MRPS28: variants seen among roughly 807,000 people sequenced by gnomAD.
MRPS28 encodes mitochondrial ribosomal protein S28.
In MRPS28, 7 loss-of-function variants were observed where a neutral mutation model predicts 10.8. The ratio of observed to expected loss-of-function variants is 0.65; its 90% CI spans 0.37 to 1.22. The LOEUF is 1.22. Among genes scored for constraint, MRPS28 ranks in the 50% most tolerant of loss-of-function variants. MRPS28 has a pLI of 0.02. For missense variants in MRPS28, 265 were observed against 232.9 expected (o/e 1.14, Z -0.90); for synonymous variants, 121 against 93.3 (o/e 1.30, Z -1.71).
At chr8:79,953,610 T>C (rs954194161) in intron 2 of MRPS28, among the ~76,000 whole-genome samples, 3 of 152,198 alleles carry the variant, frequency 2.0e-5, no homozygotes, top group Non-Finnish European at 4.4e-5. Flanking sequence ...ACAATAAAAC[T>C]TCTAAAATAT....
At chr8:79,980,596 A>G (rs1807928488) in intron 2 of MRPS28, among the ~76,000 whole-genome samples, 1 of 152,220 alleles carries the variant, frequency 6.6e-6, no homozygotes, top group South Asian at 2.1e-4. Context: ...ACTGGAGGTT[A>G]ACTTCATCCC....
At chr8:79,992,916 C>G (rs1392207945) in intron 2 of MRPS28, among the ~76,000 whole-genome samples, 2 of 152,090 alleles carry the variant, frequency 1.3e-5, no homozygotes, top group Non-Finnish European at 2.9e-5. Context: ...GCATGCAAAC[C>G]TCTTAACAAA....
rs1809613596 is a variant in MRPS28 at position 80,030,039 on chromosome 8, C to T, written c.210G>A (p.Gln70=). The change falls in exon 1 of 3, where the codon CAG becomes CAA. Residue 70 remains glutamine, a synonymous_variant. Transcript: ENST00000276585. ...SELLQKVEPL[Q]KGSPKNVESF... ...CTCTCACCCGCCCGGGCTCCACCTT[C>T]TGTAGGGGCTCCACCTTCTGTAGAA... The T allele has an allele frequency of 2.5e-6, 4 of 1,613,142 alleles. No individual in the cohort carries two copies. The highest frequency in any genetic ancestry group is 1.7e-4 in the Middle Eastern group (1 of 6,026).
rs1377449735 is a variant in MRPS28 at position 79,991,968 on chromosome 8, ACTATGGGGGAAGTTG to A, written c.395+11016_395+11030del. Among the ~76,000 whole-genome samples the A allele has an allele frequency of 2.9e-5, 4 of 137,452 alleles. No homozygotes were observed. The Admixed American group carries it at 3.0e-4, about 10-fold the overall frequency. The allele number at this position is 137,452 out of a possible 152,430, so 90.2% of individuals were successfully genotyped here. A position where few individuals can be genotyped will look rare whatever the true frequency, so the allele number is the denominator to read the frequency against. On this transcript the variant is annotated intron_variant, in intron 2 of 2. Coordinates refer to ENST00000276585, the MANE Select transcript of MRPS28 (RefSeq NM_014018.3). Reference sequence around the variant, plus strand: ...TCTCTCTCTCTCTCTCTCATCACTTACTATGGGGGAAGTTGCTATGTTGTGAGGGCACTCATGCAG... The same window carrying A: ...TCTCTCTCTCTCTCTCTCATCACTTACTATGTTGTGAGGGCACTCATGCAG...
intron 2 of MRPS28, among the ~76,000 whole-genome samples, chr8:79,985,861 G>A (rs1808143250): frequency 6.6e-6 from 1 of 151,962 alleles, no homozygotes; most frequent in African/African-American, 2.4e-5. Flanking sequence ...GGAGGAACTG[G>A]TACCATTCCT....
chr8:80,024,229 G>GAAAAAA (rs796573322), intron 1 of MRPS28, among the ~76,000 whole-genome samples: 1 of 139,304 alleles, frequency 7.2e-6, no homozygotes. Flanking sequence ...ACCCTGTCTG[G>GAAAAAA]AAAAAAAAAA....
At chr8:79,968,887 C>T (rs780633295) in intron 2 of MRPS28, among the ~76,000 whole-genome samples, 4 of 152,042 alleles carry the variant, frequency 2.6e-5, no homozygotes, top group African/African-American at 4.8e-5. Context: ...AATCTAGGCT[C>T]TGATAATTTC....
chr8:80,004,944 T>C (rs980822752), intron 1 of MRPS28, among the ~76,000 whole-genome samples: 1 of 151,972 alleles, frequency 6.6e-6, no homozygotes, highest in Non-Finnish European at 1.5e-5. Context: ...GGAAGAAAAG[T>C]AAAAAGAAAT....
chr8:80,021,361 C>T (rs1361998481), intron 1 of MRPS28, among the ~76,000 whole-genome samples: 2 of 152,094 alleles, frequency 1.3e-5, no homozygotes, highest in African/African-American at 4.8e-5. Flanking sequence ...AATGAAGGGA[C>T]ATGATCAAAA....
chr8:79,934,878 G>T (rs1453458260), intron 2 of MRPS28, among the ~76,000 whole-genome samples: 1 of 152,102 alleles, frequency 6.6e-6, no homozygotes, highest in Non-Finnish European at 1.5e-5. Context: ...TAAAAAAAAT[G>T]GTTCCATTTG....
chr8:79,950,366 G>T (rs1390819684), intron 2 of MRPS28, among the ~76,000 whole-genome samples: 1 of 152,056 alleles, frequency 6.6e-6, no homozygotes, highest in African/African-American at 2.4e-5. Context: ...TGATTTGAAT[G>T]ACTCTATTCT....
chr8:80,012,579 T>A (rs186889620), intron 1 of MRPS28, among the ~76,000 whole-genome samples: 1 of 152,318 alleles, frequency 6.6e-6, no homozygotes, highest in Admixed American at 6.5e-5. Context: ...CTGGAAAATG[T>A]TACAATAAAG....
At chr8:79,981,370 CA>C (rs947092038) in intron 2 of MRPS28, among the ~76,000 whole-genome samples, 3 of 152,054 alleles carry the variant, frequency 2.0e-5, no homozygotes, top group African/African-American at 7.2e-5. Flanking sequence ...ATTTAAAAAA[CA>C]AGCTAAATTC....
At chr8:79,996,464 C>G (rs1808504131) in intron 2 of MRPS28, among the ~76,000 whole-genome samples, 1 of 152,172 alleles carries the variant, frequency 6.6e-6, no homozygotes, top group Non-Finnish European at 1.5e-5. Context: ...GTTCTAGAGG[C>G]TGGAAGTCCA....
At chr8:80,026,303 T>C (rs78948679) in intron 1 of MRPS28, among the ~76,000 whole-genome samples, 2,635 of 152,302 alleles carry the variant, frequency 0.017, 75 homozygotes, top group African/African-American at 0.058. Flanking sequence ...CACTGAAAAC[T>C]TCCAGTAAAT....
At chr8:80,021,214 G>A (rs1456727731) in intron 1 of MRPS28, among the ~76,000 whole-genome samples, 1 of 152,118 alleles carries the variant, frequency 6.6e-6, no homozygotes, top group Non-Finnish European at 1.5e-5. Flanking sequence ...TGTTGGTCAG[G>A]ATGGTCTTGA....
At chr8:79,994,109 G>A (rs557570486) in intron 2 of MRPS28, among the ~76,000 whole-genome samples, 1 of 151,998 alleles carries the variant, frequency 6.6e-6, no homozygotes, top group Admixed American at 6.6e-5. Flanking sequence ...ATTAGTAAAC[G>A]GACTTTACTT....
In MRPS28 at chr8:80,029,878, G is replaced by A. The variant is rs746181350; in HGVS notation, c.213+158C>T. 3.3e-6 allele frequency: 5 copies of A among 1,536,114 alleles called. No homozygotes were observed. In the South Asian group the frequency reaches 3.6e-5, roughly 11 times the overall value. ...AGAAAAACACCAAGCACAGATTCTA[G>A]GGGCCGAGGGCTGAGCCACAACGCA... On this transcript the variant is annotated intron_variant, in intron 1 of 2. Transcript: ENST00000276585.
intron 2 of MRPS28, among the ~76,000 whole-genome samples, chr8:79,967,867 T>A (rs1807540324): frequency 2.0e-5 from 3 of 152,154 alleles, no homozygotes; most frequent in Non-Finnish European, 4.4e-5. Flanking sequence ...TACATGCTAT[T>A]AGTATATGTA....
Sources: gnomAD v4.1 joint callset for allele counts (sites outside exome capture counted in the v4.1 genomes callset) on GRCh38, gnomAD v4.1.1 for gene constraint, MANE v1.5 for transcripts, NCBI Gene and HGNC (gene_info 2026-07-23, HGNC 2026-07-21) for gene names.